YWHAE: variants seen among roughly 807,000 people sequenced by gnomAD.
The protein encoded by YWHAE is 14-3-3 protein epsilon.
In YWHAE, 4 loss-of-function variants were observed where a neutral mutation model predicts 30.1. The ratio of observed to expected loss-of-function variants is 0.13; its 90% confidence interval spans 0.07 to 0.30. The LOEUF (loss-of-function observed/expected upper bound fraction) is 0.30. Ranked by LOEUF, YWHAE falls within the 10% of genes least tolerant of loss-of-function variation. The pLI is 1.00. For missense variants in YWHAE, 121 were observed against 315.9 expected (o/e 0.38, Z 4.68); for synonymous variants, 118 against 111.8 (o/e 1.06, Z -0.35).
At chr17:1,352,013 G>C (rs1470087965) in intron 5 of YWHAE, 1 of 151,474 alleles carries the variant, frequency 6.6e-6, no homozygotes, top group Non-Finnish European at 1.5e-5. Context: ...TGAACTCCTA[G>C]GCTCAAGCAT....
chr17:1,348,101 G>T, intron 5 of YWHAE: 1 of 583,078 alleles, frequency 1.7e-6, no homozygotes, highest in Non-Finnish European at 2.2e-6. Context: ...GGAAAACAAT[G>T]ATACAGGAGC....
chr17:1,372,240 T>A (rs2073054127), intron 1 of YWHAE, among the ~76,000 whole-genome samples: 1 of 152,276 alleles, frequency 6.6e-6, no homozygotes, highest in African/African-American at 2.4e-5. Context: ...CTCACCTCTC[T>A]CAGCTTTCTT....
chr17:1,373,027 A>G (rs1284922805), intron 1 of YWHAE, among the ~76,000 whole-genome samples: 1 of 150,824 alleles, frequency 6.6e-6, no homozygotes, highest in Non-Finnish European at 1.5e-5. Context: ...AGATCACATG[A>G]GGTCGGGAGT....
At chr17:1,390,571 G>A (rs1436266871) in intron 1 of YWHAE, among the ~76,000 whole-genome samples, 1 of 152,140 alleles carries the variant, frequency 6.6e-6, no homozygotes, top group Non-Finnish European at 1.5e-5. Flanking sequence ...TAACCACCCT[G>A]CAAATTAGTA....
rs1246096572 is a variant in YWHAE, at chr17:1,359,812, T to TTTGTG, written c.578+1279_578+1280insCACAA. The stretch of plus-strand genomic sequence containing the variant: ...CAATGTATTCGGTGCCACTAAATTG[T>TTTGTG]TGTGTGTGTGTGTGTGTGTGTGTGT... On this transcript the variant is annotated intron_variant, in intron 4 of 5. Transcript: ENST00000264335. 4.8e-3 allele frequency among the ~76,000 whole-genome samples: 631 copies of TTTGTG among 130,710 alleles called. 3 individuals carry two copies. Among genetic ancestry groups the TTTGTG allele is most frequent in the East Asian group, 0.022 (93 of 4,206 alleles). The allele number at this position is 130,710 out of a possible 152,430, so 85.8% of individuals were successfully genotyped here. A position where few individuals can be genotyped will look rare whatever the true frequency, so the allele number is the denominator to read the frequency against.
intron 1 of YWHAE, among the ~76,000 whole-genome samples, chr17:1,365,767 T>C (rs763557216): frequency 6.6e-6 from 1 of 152,196 alleles, no homozygotes; most frequent in Non-Finnish European, 1.5e-5. Flanking sequence ...CATATTACCA[T>C]GTGGCTCTCC....
chr17:1,385,163 A>AAC (rs2073281872), intron 1 of YWHAE, among the ~76,000 whole-genome samples: 3 of 150,866 alleles, frequency 2.0e-5, no homozygotes, highest in South Asian at 4.2e-4. Flanking sequence ...AAAAAAAAAA[A>AAC]GTAAAGATAA....
At position 1,345,291 on chromosome 17, in the gene YWHAE, A is replaced by T; in HGVS notation, c.*156T>A. On this transcript the variant is annotated 3_prime_UTR_variant, in exon 6 of 6. Transcript: ENST00000264335. ...TTTAAGAACTTTTGAAAACTGTTTA[A>T]AAAAAAAAAAAAAAAACCAACAGGG... 3.6e-5 allele frequency: 20 copies of T among 551,782 alleles called. No homozygotes were observed. The highest frequency in any genetic ancestry group is 1.6e-4 in the South Asian group (6 of 37,110). 34.2% of individuals were successfully genotyped at this position (551,782 alleles called of 1,614,324 possible).
At chr17:1,385,028 C>T (rs1439570167) in intron 1 of YWHAE, among the ~76,000 whole-genome samples, 3 of 150,646 alleles carry the variant, frequency 2.0e-5, no homozygotes, top group Non-Finnish European at 3.0e-5. Context: ...GAGGAGTCTC[C>T]CTATGTTGCC....
At chr17:1,373,667 C>CAAA (rs576768197) in intron 1 of YWHAE, among the ~76,000 whole-genome samples, 1 of 129,280 alleles carries the variant, frequency 7.7e-6, no homozygotes, top group African/African-American at 2.8e-5. Flanking sequence ...GACTTCATCT[C>CAAA]AAAAAAAAAA....
chr17:1,354,971 T>TTTTTG (rs1555639212), intron 4 of YWHAE, among the ~76,000 whole-genome samples: 567 of 48,834 alleles, frequency 0.012, 5 homozygotes, highest in South Asian at 0.023. Context: ...CTAGTTTTTT[T>TTTTTG]TTTTTTTTTT....
At chr17:1,359,812 TTGTGTG>T (rs59650315) in intron 4 of YWHAE, among the ~76,000 whole-genome samples, 25,007 of 130,400 alleles carry the variant, frequency 0.19, 2,862 homozygotes, top group Admixed American at 0.38. Flanking sequence ...CACTAAATTG[TTGTGTG>T]TGTGTGTGTG....
intron 1 of YWHAE, among the ~76,000 whole-genome samples, chr17:1,390,873 G>T (rs1377444263): frequency 6.6e-6 from 1 of 152,094 alleles, no homozygotes; most frequent in South Asian, 2.1e-4. Flanking sequence ...AAAAATTTCA[G>T]AAGAGATAAG....
Position 1,349,267 on chromosome 17 carries a change from G to A in YWHAE, c.716-3768C>T, listed in dbSNP as rs112918335. ...CGAGGCAGAAGAATCGCTTGAACCCGGGAGGTGGAAGCTGCAGTGAGCAGA... is the reference window on the plus strand; with the variant it reads ...CGAGGCAGAAGAATCGCTTGAACCCAGGAGGTGGAAGCTGCAGTGAGCAGA... On this transcript the variant is annotated intron_variant, in intron 5 of 5. Transcript: ENST00000264335. Among the ~76,000 whole-genome samples, 41 of 152,242 alleles carry A rather than the reference G, an allele frequency of 2.7e-4. 1 individual carries two copies. Among genetic ancestry groups the A allele is most frequent in the African/African-American group, 8.7e-4 (36 of 41,536 alleles).
chr17:1,381,185 C>T (rs1429972634), intron 1 of YWHAE, among the ~76,000 whole-genome samples: 3 of 152,116 alleles, frequency 2.0e-5, no homozygotes, highest in Non-Finnish European at 2.9e-5. Flanking sequence ...ACAGACTGGC[C>T]TGGCCAACAT....
rs777716776 is a variant in YWHAE at position 1,368,456 on chromosome 17, C to T, written c.65-3398G>A. On this transcript the variant is annotated intron_variant, in intron 1 of 5. Transcript: ENST00000264335. The stretch of plus-strand genomic sequence containing the variant: ...GCAGGCATCTATAGTGCCAGCTACT[C>T]GGGAGGCTGAGGCAGGGGAATCGCT... 4.3e-4 allele frequency among the ~76,000 whole-genome samples: 64 copies of T among 150,488 alleles called. 1 individual carries two copies. Among genetic ancestry groups the T allele is most frequent in the Admixed American group, 1.3e-3 (19 of 15,054 alleles).
At chr17:1,354,183 G>C in intron 5 of YWHAE, 28 bp downstream of exon 5, 4 of 1,605,500 alleles carry the variant, frequency 2.5e-6, no homozygotes, top group Non-Finnish European at 3.4e-6. Flanking sequence ...ACTGAAAGAG[G>C]TGCCTGTTTC....
chr17:1,376,403 A>G (rs1342921210), intron 1 of YWHAE, among the ~76,000 whole-genome samples: 1 of 151,160 alleles, frequency 6.6e-6, no homozygotes, highest in Non-Finnish European at 1.5e-5. Flanking sequence ...AGAGAGAGAA[A>G]GAAAGAAAAG....
chr17:1,396,308 C>A (rs2150881320), intron 1 of YWHAE, among the ~76,000 whole-genome samples: 1 of 151,240 alleles, frequency 6.6e-6, no homozygotes, highest in Middle Eastern at 3.6e-3. Flanking sequence ...CCTGTAGTCC[C>A]AGCTACTCGG....
Sources: allele counts gnomAD v4.1 joint callset (sites outside exome capture counted in the v4.1 genomes callset), GRCh38; gene constraint gnomAD v4.1.1; transcripts MANE v1.5; gene names NCBI Gene and HGNC (gene_info 2026-07-23, HGNC 2026-07-21).